The following TACC2 variants were observed in gnomAD, a reference collection of about 807,000 sequenced individuals.
TACC2 encodes transforming acidic coiled-coil-containing protein 2.
In TACC2, 137 loss-of-function variants were observed where a neutral mutation model predicts 227.3. The observed-to-expected ratio is 0.60, with a 90% CI of 0.52 to 0.69. The LOEUF is 0.69. TACC2 is among the 30% of genes least tolerant of loss of function. The probability of loss-of-function intolerance (pLI) is 0.00; values close to 1 mark genes in which losing one functional copy is unlikely to be tolerated. For missense variants in TACC2, 3,470 were observed against 3,694.4 expected, an observed-to-expected ratio of 0.94 and a Z score of 1.57; for synonymous variants, 1,523 against 1,487.5, an observed-to-expected ratio of 1.02 and a Z score of -0.55.
chr10:122,018,209 G>A (rs1956935916), intron 1 of TACC2, among the ~76,000 whole-genome samples: 1 of 152,128 alleles, frequency 6.6e-6, no homozygotes, highest in Admixed American at 6.6e-5. Flanking sequence ...ACTTATGAGT[G>A]AGAACATGCG....
intron 7 of TACC2, chr10:122,163,901 C>T: frequency 6.4e-7 from 1 of 1,557,852 alleles, no homozygotes; most frequent in Admixed American, 1.9e-5. Context: ...TCGCGGCTAG[C>T]TTGCACGCCA....
chr10:122,249,653 C>G lies in TACC2; in HGVS notation c.8770C>G (p.Leu2924Val). 3 of 1,613,472 alleles carry G rather than the reference C, an allele frequency of 1.9e-6. No homozygotes were observed. The highest frequency in any genetic ancestry group is 2.5e-6 in the Non-Finnish European group (3 of 1,179,714). The change falls in exon 22 of 23, where the codon CTG becomes GTG. Residue 2924 changes from leucine (L) to valine (V), a missense_variant. Leu to Val is a conservative substitution (Grantham distance 32). Transcript: ENST00000369005. ...GCGAGTGGACGCCCTGGAAAGGACG[C>G]TGGAGCAGAAGGTAATAGGGGAGGG... Reference protein sequence around the residue: ...QLRVDALERTLEQKNKEIEEL... With the variant: ...QLRVDALERTVEQKNKEIEEL...
At chr10:122,163,883 G>C in intron 7 of TACC2, 2 of 1,545,158 alleles carry the variant, frequency 1.3e-6, no homozygotes, top group Non-Finnish European at 1.7e-6. Flanking sequence ...CCAGGACGCT[G>C]GCCCCGCTCG....
At chr10:122,207,920 C>T (rs1350260634) in intron 8 of TACC2, among the ~76,000 whole-genome samples, 1 of 152,124 alleles carries the variant, frequency 6.6e-6, no homozygotes, top group African/African-American at 2.4e-5. Context: ...CCTGCCAAGG[C>T]CCATTTGAAA....
intron 7 of TACC2, among the ~76,000 whole-genome samples, chr10:122,190,619 T>C (rs1264569988): frequency 6.6e-6 from 1 of 152,102 alleles, no homozygotes; most frequent in East Asian, 1.9e-4. Context: ...TTAATTCGGT[T>C]GGTACAGCTG....
intron 1 of TACC2, among the ~76,000 whole-genome samples, chr10:122,008,372 T>A (rs1375377768): frequency 6.6e-6 from 1 of 151,786 alleles, no homozygotes; most frequent in Non-Finnish European, 1.5e-5. Flanking sequence ...GCGATTCTCC[T>A]GCCTCAGCCT....
chr10:122,140,315 T>TG (rs2090344776), intron 6 of TACC2, among the ~76,000 whole-genome samples: 1 of 152,256 alleles, frequency 6.6e-6, no homozygotes, highest in Non-Finnish European at 1.5e-5. Context: ...GAAAGCGTGG[T>TG]GGTTTATATG....
chr10:122,093,487 A>T (rs560890276), intron 5 of TACC2, among the ~76,000 whole-genome samples: 1 of 152,256 alleles, frequency 6.6e-6, no homozygotes, highest in African/African-American at 2.4e-5. Context: ...AGAAAACAAC[A>T]TTGAAGCATG....
intron 2 of TACC2, among the ~76,000 whole-genome samples, chr10:122,033,320 C>T (rs186633197): frequency 6.6e-5 from 10 of 152,302 alleles, no homozygotes; most frequent in Admixed American, 2.6e-4. Context: ...AAAACACAGT[C>T]GAAATCGACA....
intron 7 of TACC2, among the ~76,000 whole-genome samples, chr10:122,178,754 G>A (rs758380649): frequency 2.6e-5 from 4 of 152,084 alleles, no homozygotes; most frequent in Non-Finnish European, 4.4e-5. Context: ...GGGGTTGTGC[G>A]CCTGTAGTCC....
chr10:122,139,700 G>C (rs910568927), intron 6 of TACC2, among the ~76,000 whole-genome samples: 1 of 152,112 alleles, frequency 6.6e-6, no homozygotes, highest in Non-Finnish European at 1.5e-5. Context: ...TGTGCACTTG[G>C]GAATTTCGGA....
At chr10:122,234,073 G>A (rs906360412) in intron 16 of TACC2, among the ~76,000 whole-genome samples, 3 of 152,198 alleles carry the variant, frequency 2.0e-5, no homozygotes, top group African/African-American at 7.2e-5. Context: ...TCACCCCTCC[G>A]TGGCCCCTCT....
At chr10:122,171,518 CAG>C (rs1824726582) in intron 7 of TACC2, among the ~76,000 whole-genome samples, 1 of 152,214 alleles carries the variant, frequency 6.6e-6, no homozygotes, top group Non-Finnish European at 1.5e-5. Context: ...TGTGGAGTTC[CAG>C]AGTCTGCGGA....
intron 16 of TACC2, among the ~76,000 whole-genome samples, chr10:122,233,734 G>C (rs933421816): frequency 5.3e-5 from 8 of 152,280 alleles, no homozygotes; most frequent in Non-Finnish European, 1.2e-4. Context: ...GCGAGCGCCT[G>C]TGTATTTGGC....
In TACC2 at chr10:122,163,701, ACT is replaced by A; in HGVS notation, c.5834+19997_5834+19998del. On this transcript the variant is annotated intron_variant, in intron 7 of 22. Coordinates refer to ENST00000369005, the MANE Select transcript of TACC2 (RefSeq NM_206862.4). ...CCACACTCGGGCGCGCGCCGGCCAC[ACT>A]CGCGCGCACACATACGCGGCGCTCG... The A allele has an allele frequency of 2.7e-6, 3 of 1,112,988 alleles. No homozygotes were observed. The South Asian group carries it at 1.3e-4, about 50-fold the overall frequency. 68.9% of individuals were successfully genotyped at this position (1,112,988 alleles called of 1,614,324 possible).
At chr10:122,008,267 T>TTATTATTA (rs1370151687) in intron 1 of TACC2, among the ~76,000 whole-genome samples, 71 of 17,730 alleles carry the variant, frequency 4.0e-3, no homozygotes, top group African/African-American at 0.014. Context: ...TATTATTATT[T>TTATTATTA]TTTTTTTTTG....
intron 7 of TACC2, among the ~76,000 whole-genome samples, chr10:122,157,396 T>C (rs2092558287): frequency 6.6e-6 from 1 of 152,230 alleles, no homozygotes; most frequent in Admixed American, 6.5e-5. Context: ...GGAAGAATAT[T>C]GTATTGGTGG....
chr10:121,997,572 A>G (rs10887037), intron 1 of TACC2, among the ~76,000 whole-genome samples: 23,217 of 152,098 alleles, frequency 0.15, 2,163 homozygotes, highest in Admixed American at 0.24. Flanking sequence ...GAGATGGGAC[A>G]TGTTGGGAGG....
Position 122,085,436 on chromosome 10 carries a change from G to C in TACC2, c.2936G>C (p.Ser979Thr). The change falls in exon 4 of 23, where the codon AGC becomes ACC. Residue 979 changes from serine to threonine, a missense_variant. By Grantham distance (58) the Ser-to-Thr change is moderately conservative (BLOSUM62 1). Transcript: ENST00000369005. ...LKDFSLAGNF[S>T]RKETCCTGQG... Reference sequence around the variant, plus strand: ...GACTTTTCTCTTGCAGGGAACTTCAGCAGAAAGGAAACTTGCTGCACTGGG... The same window carrying C: ...GACTTTTCTCTTGCAGGGAACTTCACCAGAAAGGAAACTTGCTGCACTGGG... 3 of 1,613,874 alleles carry C rather than the reference G, an allele frequency of 1.9e-6. No homozygotes were observed. Among genetic ancestry groups the C allele is most frequent in the South Asian group, 2.2e-5 (2 of 91,090 alleles).
Sources: gnomAD v4.1 joint callset for allele counts (sites outside exome capture counted in the v4.1 genomes callset) on GRCh38, gnomAD v4.1.1 for gene constraint, MANE v1.5 for transcripts, NCBI Gene and HGNC (gene_info 2026-07-23, HGNC 2026-07-21) for gene names.